CADM2: variants seen among roughly 807,000 people sequenced by gnomAD.
CADM2 encodes cell adhesion molecule 2, also known as immunoglobulin superfamily member 4D.
CADM2 carries 12 observed loss-of-function variants against 49.8 expected under a neutral mutation model. The ratio of observed to expected loss-of-function variants is 0.24; its 90% CI spans 0.15 to 0.39. CADM2 has a LOEUF of 0.39. CADM2 is among the 10% of genes least tolerant of loss of function. CADM2 has a pLI of 1.00. For synonymous variants in CADM2, 214 were observed against 175.4 expected (o/e 1.22, Z -1.74); for missense variants, 378 against 492.3 (o/e 0.77, Z 2.20).
chr3:85,760,534 C>A (rs549277895), intron 2 of CADM2, among the ~76,000 whole-genome samples: 57 of 152,182 alleles, frequency 3.7e-4, no homozygotes, highest in African/African-American at 1.3e-3. Context: ...TAACATAGTT[C>A]TAGTATGGAA....
chr3:85,931,494 ATTAAGC>A, intron 6 of CADM2, among the ~76,000 whole-genome samples: 1 of 152,162 alleles, frequency 6.6e-6, no homozygotes, highest in African/African-American at 2.4e-5. Context: ...ACAATTATTT[ATTAAGC>A]ACACACTTTG....
At chr3:85,551,540 T>C (rs1423630214) in intron 1 of CADM2, among the ~76,000 whole-genome samples, 1 of 152,144 alleles carries the variant, frequency 6.6e-6, no homozygotes, top group Admixed American at 6.5e-5. Flanking sequence ...GTTCCAAGCA[T>C]GGCATGGTTT....
In CADM2 at chr3:85,107,631, T is replaced by TTTTCTTTCTTTCTTTCTTTC. The variant is rs371715710; in HGVS notation, c.61+147971_61+147990dup. 4.9e-3 allele frequency among the ~76,000 whole-genome samples: 672 copies of TTTTCTTTCTTTCTTTCTTTC among 137,934 alleles called. 12 individuals carry two copies. Among genetic ancestry groups the TTTTCTTTCTTTCTTTCTTTC allele is most frequent in the African/African-American group, 0.016 (608 of 38,486 alleles). The allele number at this position is 137,934 out of a possible 152,430, so 90.5% of individuals were successfully genotyped here. A position where few individuals can be genotyped will look rare whatever the true frequency, so the allele number is the denominator to read the frequency against. On this transcript the variant is annotated intron_variant, in intron 1 of 9. Transcript: ENST00000383699. ...TCTTTTTCTTTCTTTCTTTCTTTCT[T>TTTTCTTTCTTTCTTTCTTTC]TTTCTTTCTTTCTTTCTTTCTTTCT...
intron 1 of CADM2, among the ~76,000 whole-genome samples, chr3:85,325,496 G>A (rs940849913): frequency 6.6e-6 from 1 of 152,112 alleles, no homozygotes; most frequent in Non-Finnish European, 1.5e-5. Context: ...CGGATCATGA[G>A]GTCAAGCGTC....
chr3:85,228,290 C>A (rs1159105327), intron 1 of CADM2, among the ~76,000 whole-genome samples: 1 of 152,056 alleles, frequency 6.6e-6, no homozygotes, highest in Non-Finnish European at 1.5e-5. Context: ...TCTTTTCACA[C>A]AGTCCTGTAT....
chr3:85,216,528 A>ACAAGCCCAGAAAGC (rs1424380836), intron 1 of CADM2, among the ~76,000 whole-genome samples: 1 of 151,870 alleles, frequency 6.6e-6, no homozygotes, highest in African/African-American at 2.4e-5. Context: ...ATTACAGAAG[A>ACAAGCCCAGAAAGC]CATGCCCAGA....
intron 2 of CADM2, among the ~76,000 whole-genome samples, chr3:85,730,881 T>C (rs189957487): frequency 6.6e-6 from 1 of 152,304 alleles, no homozygotes; most frequent in East Asian, 1.9e-4. Flanking sequence ...TTTTAGATAT[T>C]ATTTTCAAAG....
intron 1 of CADM2, among the ~76,000 whole-genome samples, chr3:85,006,164 ACT>A (rs2033716993): frequency 6.6e-6 from 1 of 152,084 alleles, no homozygotes; most frequent in Non-Finnish European, 1.5e-5. Context: ...TTTATGGAGT[ACT>A]CTCTGCTTAA....
intron 3 of CADM2, among the ~76,000 whole-genome samples, chr3:85,883,041 A>G (rs529561409): frequency 6.6e-6 from 1 of 152,338 alleles, no homozygotes; most frequent in Admixed American, 6.5e-5. Flanking sequence ...GAAGTATTGC[A>G]TTAGATGTAA....
At chr3:85,451,839 C>T (rs1195212861) in intron 1 of CADM2, among the ~76,000 whole-genome samples, 1 of 152,042 alleles carries the variant, frequency 6.6e-6, no homozygotes, top group Non-Finnish European at 1.5e-5. Context: ...TAGCTATTAT[C>T]GTGAAGTGTC....
rs144759369 is a variant in CADM2 at position 85,267,722 on chromosome 3, G to A, written c.61+308054G>A. On this transcript the variant is annotated intron_variant, in intron 1 of 9. Coordinates refer to ENST00000383699, the MANE Select transcript of CADM2 (RefSeq NM_001167675.2). ...ATGCCTGATGCAAGCTGAGGAGCTC[G>A]TAATTGGACATAAACAAAAACTGAC... 9.7e-4 allele frequency among the ~76,000 whole-genome samples: 147 copies of A among 151,446 alleles called. No individual in the cohort carries two copies. In the East Asian group the frequency reaches 0.017, roughly 17 times the overall value.
At chr3:85,043,688 A>C (rs2035536321) in intron 1 of CADM2, among the ~76,000 whole-genome samples, 1 of 151,982 alleles carries the variant, frequency 6.6e-6, no homozygotes, top group Admixed American at 6.6e-5. Flanking sequence ...CAAAATAAAT[A>C]AATAAATAAA....
chr3:85,658,228 T>G (rs1369966884), intron 1 of CADM2, among the ~76,000 whole-genome samples: 1 of 151,890 alleles, frequency 6.6e-6, no homozygotes, highest in African/African-American at 2.4e-5. Flanking sequence ...CACAAAGACA[T>G]AAACCTAGGG....
intron 1 of CADM2, among the ~76,000 whole-genome samples, chr3:85,484,365 C>T (rs1576635747): frequency 6.6e-6 from 1 of 151,996 alleles, no homozygotes; most frequent in Admixed American, 6.6e-5. Flanking sequence ...GCACAATAGG[C>T]ATGAATTTCT....
At chr3:85,099,008 T>A (rs1264103149) in intron 1 of CADM2, among the ~76,000 whole-genome samples, 1 of 152,188 alleles carries the variant, frequency 6.6e-6, no homozygotes, top group Non-Finnish European at 1.5e-5. Context: ...TTCCTGAGTT[T>A]GGTTCCTGTA....
chr3:86,033,738 G>T (rs1734826300), intron 8 of CADM2, among the ~76,000 whole-genome samples: 2 of 144,250 alleles, frequency 1.4e-5, no homozygotes, highest in African/African-American at 5.0e-5. Context: ...AAGTGGATCA[G>T]AAGCCCATAA....
At chr3:85,531,210 C>G (rs2061302005) in intron 1 of CADM2, among the ~76,000 whole-genome samples, 1 of 151,904 alleles carries the variant, frequency 6.6e-6, no homozygotes, top group South Asian at 2.1e-4. Context: ...TATATTTTTC[C>G]CCTCACAAGT....
chr3:85,343,595 T>A (rs2030192658), intron 1 of CADM2, among the ~76,000 whole-genome samples: 1 of 152,226 alleles, frequency 6.6e-6, no homozygotes, highest in Non-Finnish European at 1.5e-5. Context: ...CATTCTCTGT[T>A]TCTATTCTGC....
chr3:85,545,307 T>TA (rs756922413), intron 1 of CADM2, among the ~76,000 whole-genome samples: 1 of 152,216 alleles, frequency 6.6e-6, no homozygotes, highest in East Asian at 1.9e-4. Flanking sequence ...TTTGGGCTCT[T>TA]ACTATGTTCC....
Sources: gnomAD v4.1 joint callset for allele counts (sites outside exome capture counted in the v4.1 genomes callset) on GRCh38, gnomAD v4.1.1 for gene constraint, MANE v1.5 for transcripts, NCBI Gene and HGNC (gene_info 2026-07-23, HGNC 2026-07-21) for gene names.